The following ERCC6L2 variants were observed in gnomAD, a reference collection of about 807,000 sequenced individuals.
The protein encoded by ERCC6L2 is DNA excision repair protein ERCC-6-like 2.
Under a neutral mutation model 132.0 loss-of-function variants are expected in ERCC6L2, and 77 were observed. The ratio of observed to expected loss-of-function variants is 0.58; its 90% CI spans 0.49 to 0.71. ERCC6L2 has a LOEUF of 0.71. Among genes scored for constraint, ERCC6L2 ranks in the 30% least tolerant of loss-of-function variants. ERCC6L2 has a pLI of 0.00. For synonymous variants in ERCC6L2, 583 were observed against 632.4 expected, an observed-to-expected ratio of 0.92 and a Z score of 1.17; for missense variants, 1,542 against 1,837.6, an observed-to-expected ratio of 0.84 and a Z score of 2.94.
At chr9:95,978,522 A>G (rs961374882) in intron 17 of ERCC6L2, among the ~76,000 whole-genome samples, 1 of 152,242 alleles carries the variant, frequency 6.6e-6, no homozygotes, top group African/African-American at 2.4e-5. Flanking sequence ...ATCAGAACCA[A>G]AACCATTTCT....
chr9:95,879,415 GGGTA>G (rs1407234999), intron 1 of ERCC6L2, among the ~76,000 whole-genome samples: 20 of 152,326 alleles, frequency 1.3e-4, no homozygotes, highest in African/African-American at 4.6e-4. Flanking sequence ...AGAAATGATA[GGGTA>G]GGCAAACACA....
At chr9:96,033,616 A>G (rs1408681916) in intron 19 of ERCC6L2, among the ~76,000 whole-genome samples, 1 of 152,242 alleles carries the variant, frequency 6.6e-6, no homozygotes, top group African/African-American at 2.4e-5. Flanking sequence ...CAAAACAAAA[A>G]GTAAAACCCA....
chr9:95,889,048 A>G (rs574068241), intron 2 of ERCC6L2, among the ~76,000 whole-genome samples: 13 of 152,000 alleles, frequency 8.6e-5, no homozygotes, highest in Non-Finnish European at 1.8e-4. Context: ...GATGATTTAA[A>G]TGAGATACAA....
chr9:96,002,152 C>CA (rs1833707433), intron 17 of ERCC6L2, among the ~76,000 whole-genome samples: 1 of 152,198 alleles, frequency 6.6e-6, no homozygotes, highest in African/African-American at 2.4e-5. Flanking sequence ...TTGGCCAGCC[C>CA]AGAAAGGGGC....
intron 13 of ERCC6L2, among the ~76,000 whole-genome samples, chr9:95,965,263 G>C (rs1257219604): frequency 6.6e-6 from 1 of 152,154 alleles, no homozygotes; most frequent in African/African-American, 2.4e-5. Flanking sequence ...GCTGGCAGCT[G>C]TGAGCAAGTC....
At chr9:96,030,293 CCCCA>C (rs903433410) in intron 19 of ERCC6L2, among the ~76,000 whole-genome samples, 5 of 152,110 alleles carry the variant, frequency 3.3e-5, no homozygotes, top group Non-Finnish European at 5.9e-5. Context: ...AAGCTGGCCA[CCCCA>C]CCCACCCAGC....
downstream of ERCC6L2, chr9:96,020,654 G>C: frequency 2.5e-6 from 1 of 404,384 alleles, no homozygotes; most frequent in South Asian, 1.8e-5. Context: ...GGCAGCTGCA[G>C]ATGATGGAAT....
At chr9:95,957,203 G>A (rs964516818) in intron 13 of ERCC6L2, among the ~76,000 whole-genome samples, 9 of 152,098 alleles carry the variant, frequency 5.9e-5, no homozygotes, top group Non-Finnish European at 7.4e-5. Flanking sequence ...TAAGGTTCAC[G>A]TGTAATCATA....
Position 96,013,350 on chromosome 9 carries a change from T to TTGTC in ERCC6L2, c.*148_*151dup, listed in dbSNP as rs1286403494. The TTGTC allele has an allele frequency of 3.6e-6, 2 of 549,804 alleles. No individual in the cohort carries two copies. Among genetic ancestry groups the TTGTC allele is most frequent in the East Asian group, 1.4e-4 (2 of 14,380 alleles). 34.1% of individuals were successfully genotyped at this position (549,804 alleles called of 1,614,324 possible). A position where few individuals can be genotyped will look rare whatever the true frequency, so the allele number is the denominator to read the frequency against. On this transcript the variant is annotated 3_prime_UTR_variant, in exon 19 of 19. Coordinates refer to ENST00000653738, the MANE Select transcript of ERCC6L2 (RefSeq NM_020207.7). ...TTAGGATTTTTTGAAGTCTAAAGTA[T>TTGTC]TGTCATGGATCTGTTTTTCTTGATA...
intron 16 of ERCC6L2, among the ~76,000 whole-genome samples, chr9:95,973,515 T>C (rs1035438043): frequency 8.5e-5 from 13 of 152,098 alleles, no homozygotes; most frequent in Admixed American, 4.6e-4. Flanking sequence ...GGCCTCACAA[T>C]CATGGCGGAA....
chr9:95,876,021 G>C lies in ERCC6L2; in HGVS notation c.-18G>C, dbSNP rs1469905828. The C allele has an allele frequency of 1.3e-6, 2 of 1,583,256 alleles. No homozygotes were observed. The highest frequency in any genetic ancestry group is 4.7e-5 in the East Asian group (2 of 42,724). ...CGGGTGTTACATGCAGCCGGGCTCG[G>C]CCCCTCCCCCTGGCCGGATGGATCC... On this transcript the variant is annotated 5_prime_UTR_variant, in exon 1 of 19. Transcript: ENST00000653738.
intron 16 of ERCC6L2, among the ~76,000 whole-genome samples, chr9:95,974,247 C>T (rs1832563988): frequency 6.6e-6 from 1 of 152,118 alleles, no homozygotes; most frequent in African/African-American, 2.4e-5. Context: ...TTATTGCTTA[C>T]CCAGTGGCGC....
At chr9:96,000,035 C>T (rs1456871346) in intron 17 of ERCC6L2, among the ~76,000 whole-genome samples, 2 of 151,738 alleles carry the variant, frequency 1.3e-5, no homozygotes, top group African/African-American at 2.4e-5. Context: ...ATTACAGGCA[C>T]ATACCACCAC....
chr9:96,007,305 T>A (rs1168649848), intron 18 of ERCC6L2, among the ~76,000 whole-genome samples: 1 of 152,108 alleles, frequency 6.6e-6, no homozygotes, highest in African/African-American at 2.4e-5. Context: ...GGGGCTAACA[T>A]GGAGTTAAGA....
At chr9:96,038,923 T>C (rs1023494136) in exon 20 of ERCC6L2, 17 of 456,040 alleles carry the variant, frequency 3.7e-5, no homozygotes, top group Non-Finnish European at 7.0e-5. Flanking sequence ...CCAGCAGCCA[T>C]GTCATAAGGA....
Position 95,971,955 on chromosome 9 carries a change from A to C in ERCC6L2, c.2204A>C (p.Glu735Ala). 1 of 1,300,624 alleles carries C rather than the reference A, an allele frequency of 7.7e-7. No homozygotes were observed. 80.6% of individuals were successfully genotyped at this position (1,300,624 alleles called of 1,614,324 possible). A position where few individuals can be genotyped will look rare whatever the true frequency, so the allele number is the denominator to read the frequency against. ...TAGCCTAGACAGCCTGACTGTCAGGAATGCAGAGGTACAGAACAAGCTGCA... is the reference window on the plus strand; with the variant it reads ...TAGCCTAGACAGCCTGACTGTCAGGCATGCAGAGGTACAGAACAAGCTGCA... ...LEMPRQPDCQECRGTEQAAEP... is the reference protein window; with the variant it reads ...LEMPRQPDCQACRGTEQAAEP... Residue 735 changes from glutamate (E) to alanine (A), a missense_variant, in exon 16 of 19, where the codon GAA (glutamate) becomes GCA (alanine). Glu to Ala is a moderately radical substitution (Grantham distance 107, BLOSUM62 -1). Coordinates refer to ENST00000653738, the MANE Select transcript of ERCC6L2 (RefSeq NM_020207.7).
In ERCC6L2 at chr9:96,017,868, A is replaced by T. The variant is rs909862321; in HGVS notation, c.*4665A>T. On this transcript the variant is annotated 3_prime_UTR_variant, in exon 19 of 19. Coordinates refer to ENST00000653738, the MANE Select transcript of ERCC6L2 (RefSeq NM_020207.7). ...AAGAAAGCATTCCAAGTACCTATCG[A>T]TGAATAAGCAAAATATTACACACAC... 6.6e-6 allele frequency among the ~76,000 whole-genome samples: 1 copy of T among 150,986 alleles called. No individual in the cohort carries two copies. Among genetic ancestry groups the T allele is most frequent in the African/African-American group, 2.4e-5 (1 of 41,148 alleles).
intron 11 of ERCC6L2, among the ~76,000 whole-genome samples, chr9:95,939,116 C>G (rs1045729590): frequency 5.3e-5 from 8 of 152,052 alleles, no homozygotes; most frequent in Non-Finnish European, 1.2e-4. Context: ...TAGATATTTC[C>G]TCTACATGCC....
At chr9:95,884,790 TAGAA>T (rs1188618422) in intron 2 of ERCC6L2, among the ~76,000 whole-genome samples, 1 of 152,210 alleles carries the variant, frequency 6.6e-6, no homozygotes, top group Non-Finnish European at 1.5e-5. Context: ...GACGTGGACA[TAGAA>T]AGAACGTATA....
Sources: gnomAD v4.1 joint callset for allele counts (sites outside exome capture counted in the v4.1 genomes callset) on GRCh38, gnomAD v4.1.1 for gene constraint, MANE v1.5 for transcripts, NCBI Gene and HGNC (gene_info 2026-07-23, HGNC 2026-07-21) for gene names.